RC3H1: variants seen among roughly 807,000 people sequenced by gnomAD.
RC3H1 encodes the protein roquin-1.
RC3H1 carries 50 observed loss-of-function variants against 138.2 expected under a neutral mutation model. That is an observed-to-expected ratio of 0.36 (90% CI 0.29 to 0.46). RC3H1 has a LOEUF of 0.46. Among genes scored for constraint, RC3H1 ranks in the 20% least tolerant of loss-of-function variants. The probability of loss-of-function intolerance (pLI) is 1.00; values close to 1 mark genes in which losing one functional copy is unlikely to be tolerated. For synonymous variants in RC3H1, 462 were observed against 489.1 expected, an observed-to-expected ratio of 0.94 and a Z score of 0.73; for missense variants, 1,031 against 1,388.1, an observed-to-expected ratio of 0.74 and a Z score of 4.09.
chr1:173,952,154 G>C lies in RC3H1; in HGVS notation c.2371-16C>G, dbSNP rs751536704. The C allele has an allele frequency of 9.8e-7, 1 of 1,022,668 alleles. No individual in the cohort carries two copies. The highest frequency in any genetic ancestry group is 1.2e-6 in the Non-Finnish European group (1 of 836,614). The allele number at this position is 1,022,668 out of a possible 1,614,324, so 63.3% of individuals were successfully genotyped here. A position where few individuals can be genotyped will look rare whatever the true frequency, so the allele number is the denominator to read the frequency against. ...CATCCAAAAACTACAGATGGAGAAA[G>C]AAAAAAAACAAAAAAAAAAAAAAGA... On this transcript the variant is annotated splice_polypyrimidine_tract_variant and intron_variant, in intron 13 of 19. Transcript: ENST00000367696.
In RC3H1 at chr1:173,950,420, C is replaced by CAAAAAAAAAAAAAAA. The variant is rs60259705; in HGVS notation, c.2523+1551_2523+1565dup. ...CAACATAGCAAGACCTCATCTCTACCAAAAAAAAAAAAAAAAAAAAAGAGC... is the reference window on the plus strand; with the variant it reads ...CAACATAGCAAGACCTCATCTCTACCAAAAAAAAAAAAAAAAAAAAAAAAAAAAAAAAAAAAGAGC... On this transcript the variant is annotated intron_variant, in intron 14 of 19. Coordinates refer to ENST00000367696, the MANE Select transcript of RC3H1 (RefSeq NM_172071.4). Among the ~76,000 whole-genome samples, 62 of 63,652 alleles carry CAAAAAAAAAAAAAAA rather than the reference C, an allele frequency of 9.7e-4. 4 individuals carry two copies. Among genetic ancestry groups the CAAAAAAAAAAAAAAA allele is most frequent in the East Asian group, 4.5e-3 (8 of 1,792 alleles). 41.8% of individuals were successfully genotyped at this position (63,652 alleles called of 152,430 possible).
chr1:173,940,632 A>T (rs1658811267), intron 19 of RC3H1, among the ~76,000 whole-genome samples: 1 of 139,010 alleles, frequency 7.2e-6, no homozygotes, highest in African/African-American at 3.3e-5. Context: ...GAGTGACTTT[A>T]TTTTTTGTTT....
chr1:174,019,011 G>A (rs1661912152), intron 1 of RC3H1, among the ~76,000 whole-genome samples: 1 of 152,046 alleles, frequency 6.6e-6, no homozygotes, highest in Admixed American at 6.6e-5. Context: ...TCAAATATTA[G>A]CTGACCCAAC....
At chr1:173,959,207 G>C (rs2072440783) in intron 13 of RC3H1, among the ~76,000 whole-genome samples, 2 of 152,024 alleles carry the variant, frequency 1.3e-5, no homozygotes, top group African/African-American at 2.4e-5. Flanking sequence ...AAATTCAAAA[G>C]AATCTACTAA....
At chr1:173,978,071 A>G (rs1660659516) in intron 7 of RC3H1, among the ~76,000 whole-genome samples, 1 of 152,204 alleles carries the variant, frequency 6.6e-6, no homozygotes, top group Non-Finnish European at 1.5e-5. Flanking sequence ...AAAGATATAC[A>G]AGACAGGATA....
At position 173,980,930 on chromosome 1, in the gene RC3H1, T is replaced by G; in HGVS notation, c.848A>C (p.His283Pro). Residue 283 changes from histidine to proline, a missense_variant, in exon 6 of 20, where the codon CAT (histidine) becomes CCT (proline). This residue lies in a region of RC3H1 where 142 missense variants were observed against 224.6 expected (regional missense o/e 0.63). Coordinates refer to ENST00000367696, the MANE Select transcript of RC3H1 (RefSeq NM_172071.4). Reference sequence around the variant, plus strand: ...AGCAATCTGCACTATCTGGGAGTCATGTTCTCGCCGCAGAGCTTCATAGGT... The same window carrying G: ...AGCAATCTGCACTATCTGGGAGTCAGGTTCTCGCCGCAGAGCTTCATAGGT... ...FRTYEALRREHDSQIVQIAME... is the reference protein window; with the variant it reads ...FRTYEALRREPDSQIVQIAME... 2 of 1,614,058 alleles carry G rather than the reference T, an allele frequency of 1.2e-6. No individual in the cohort carries two copies. Among genetic ancestry groups the G allele is most frequent in the Non-Finnish European group, 1.7e-6 (2 of 1,179,928 alleles).
chr1:174,017,094 C>A (rs1036578115), intron 1 of RC3H1, among the ~76,000 whole-genome samples: 5 of 152,148 alleles, frequency 3.3e-5, no homozygotes, highest in Admixed American at 2.6e-4. Flanking sequence ...GTTAGATTCA[C>A]AGGGATCAAA....
At chr1:173,983,724 C>T (rs564782091) in intron 3 of RC3H1, 67 bp from the exon 4 acceptor site, 74 of 1,552,806 alleles carry the variant, frequency 4.8e-5, no homozygotes, top group Non-Finnish European at 5.8e-5. Context: ...AGCAATTCTT[C>T]TGTTGGGTTA....
At chr1:173,985,440 A>AAAGATAATTCTTCTACATTTTATGTAGT in intron 2 of RC3H1, among the ~76,000 whole-genome samples, 1 of 152,232 alleles carries the variant, frequency 6.6e-6, no homozygotes, top group African/African-American at 2.4e-5. Context: ...TTTTATGTAG[A>AAAGATAATTCTTCTACATTTTATGTAGT]AAGATAATTC....
intron 9 of RC3H1, among the ~76,000 whole-genome samples, chr1:173,969,606 G>A (rs1045944704): frequency 6.6e-6 from 1 of 151,940 alleles, no homozygotes; most frequent in African/African-American, 2.4e-5. Flanking sequence ...GGTGGCTCCT[G>A]CCTGTAATCC....
chr1:173,940,403 G>A (rs1181136583), intron 19 of RC3H1, among the ~76,000 whole-genome samples: 4 of 152,000 alleles, frequency 2.6e-5, no homozygotes, highest in African/African-American at 7.2e-5. Flanking sequence ...CCCAGGAGGC[G>A]GAGGTTGCCG....
In RC3H1 at chr1:173,938,694, G is replaced by A. The variant is rs752522468; in HGVS notation, c.*27C>T. On this transcript the variant is annotated 3_prime_UTR_variant, in exon 20 of 20. Transcript: ENST00000367696. ...ATGCCCGACAAACTGATTAGGAGCAGAAGATAAAAGTAGGACTCCTCATAT... is the reference window on the plus strand; with the variant it reads ...ATGCCCGACAAACTGATTAGGAGCAAAAGATAAAAGTAGGACTCCTCATAT... 4 of 1,553,738 alleles carry A rather than the reference G, an allele frequency of 2.6e-6. No individual in the cohort carries two copies. The Admixed American group carries it at 7.4e-5, about 29-fold the overall frequency.
chr1:173,982,678 G>T, intron 5 of RC3H1, 49 bp downstream of exon 5: 1 of 1,442,742 alleles, frequency 6.9e-7, no homozygotes, highest in South Asian at 1.5e-5. Context: ...TTAACTTTGG[G>T]GAAAGAACAA....
Position 173,961,726 on chromosome 1 carries a change from C to G in RC3H1, c.2201G>C (p.Arg734Thr), listed in dbSNP as rs775613846. ...GTAATAAAAAAAAATACAGCATACT[C>G]TGAGGTACGAAGGTCTGATCTGAGT... ...HPTQIRPSYL[R>T]EPPYSRLPPP... Residue 734 changes from arginine to threonine, a missense_variant and splice_region_variant, in exon 12 of 20, where the codon AGA (arginine) becomes ACA (threonine). By Grantham distance (71) the Arg-to-Thr change is moderately conservative. Around this residue, in one of 7 missense-constraint regions of RC3H1, gnomAD observed 716 missense variants for 837.9 expected, o/e 0.85. Coordinates refer to ENST00000367696, the MANE Select transcript of RC3H1 (RefSeq NM_172071.4). The G allele has an allele frequency of 1.2e-6, 2 of 1,608,744 alleles. No individual in the cohort carries two copies. The highest frequency in any genetic ancestry group is 2.2e-5 in the South Asian group (2 of 90,822).
chr1:173,977,808 A>T (rs868553222), intron 7 of RC3H1, among the ~76,000 whole-genome samples: 1 of 152,204 alleles, frequency 6.6e-6, no homozygotes, highest in Non-Finnish European at 1.5e-5. Flanking sequence ...GAACTATGAG[A>T]TCACAGAAAG....
chr1:173,936,713 A>AG lies in RC3H1; in HGVS notation c.*2007_*2008insC, dbSNP rs1305746749. Reference sequence around the variant, plus strand: ...GTCAAAAAGCAAACAAAAGCCAAAAAAAAAAGAAAAAGCATACATATATAT... The same window carrying AG: ...GTCAAAAAGCAAACAAAAGCCAAAAAGAAAAAGAAAAAGCATACATATATAT... On this transcript the variant is annotated 3_prime_UTR_variant, in exon 20 of 20. Coordinates refer to ENST00000367696, the MANE Select transcript of RC3H1 (RefSeq NM_172071.4). 2 of 137,472 alleles carry AG rather than the reference A, an allele frequency of 1.5e-5. No homozygotes were observed. Among genetic ancestry groups the AG allele is most frequent in the African/African-American group, 5.3e-5 (2 of 37,592 alleles). The allele number at this position is 137,472 out of a possible 1,614,324, so 8.5% of individuals were successfully genotyped here.
At chr1:174,008,798 G>A (rs994355961) in intron 1 of RC3H1, among the ~76,000 whole-genome samples, 4 of 152,062 alleles carry the variant, frequency 2.6e-5, no homozygotes, top group Non-Finnish European at 5.9e-5. Flanking sequence ...CCAACATGGC[G>A]AAACGCCATC....
At chr1:174,008,666 A>C (rs1368119328) in intron 1 of RC3H1, among the ~76,000 whole-genome samples, 1 of 150,844 alleles carries the variant, frequency 6.6e-6, no homozygotes, top group Non-Finnish European at 1.5e-5. Flanking sequence ...GGTTTGAAAC[A>C]GAAATTAAAT....
chr1:173,997,390 C>T (rs187125627), intron 1 of RC3H1, among the ~76,000 whole-genome samples: 101 of 152,212 alleles, frequency 6.6e-4, no homozygotes, highest in Non-Finnish European at 1.3e-3. Flanking sequence ...CACTCTAAAA[C>T]GATTCAAAAC....
Sources: gnomAD v4.1 joint callset for allele counts (sites outside exome capture counted in the v4.1 genomes callset) on GRCh38, gnomAD v4.1.1 for gene constraint, gnomAD v4.1.1 regional missense constraint, MANE v1.5 for transcripts, NCBI Gene and HGNC (gene_info 2026-07-23, HGNC 2026-07-21) for gene names.